Variants in OR52L1 observed in about 807,000 individuals in gnomAD.
The protein encoded by OR52L1 is olfactory receptor family 52 subfamily L member 1, also known as olfactory receptor 52L1.
A neutral mutation model predicts 16.1 loss-of-function variants in OR52L1; 15 were observed. The ratio of observed to expected loss-of-function variants is 0.93; its 90% CI spans 0.62 to 1.44. The LOEUF (loss-of-function observed/expected upper bound fraction) is 1.44, where lower values mean the gene tolerates loss of function less well. Among genes scored for constraint, OR52L1 ranks in the 40% most tolerant of loss-of-function variants. OR52L1 has a pLI of 0.00. For missense variants in OR52L1, 406 were observed against 402.3 expected, an observed-to-expected ratio of 1.01 and a Z score of -0.08; for synonymous variants, 166 against 159.2, an observed-to-expected ratio of 1.04 and a Z score of -0.32.
rs4237768 is a variant in OR52L1, at chr11:5,986,042, G to A, written c.889C>T (p.Arg297Trp). Reference sequence around the variant, plus strand: ...AGCGCAGGTGGCATGAGGAGATACCGTGTGGCCAGAAGAACATGGACATGA... The same window carrying A: ...AGCGCAGGTGGCATGAGGAGATACCATGTGGCCAGAAGAACATGGACATGA... The part of the protein sequence containing the change: ...PHHVHVLLAT[R>W]YLLMPPALNP... The change falls in exon 1 of 1, where the codon CGG becomes TGG. Residue 297 changes from arginine (R) to tryptophan (W), a missense_variant. Arg to Trp is a moderately radical substitution (Grantham distance 101). Coordinates refer to ENST00000332249, the MANE Select transcript of OR52L1 (RefSeq NM_001005173.3). 0.18 allele frequency: 283,624 copies of A among 1,613,426 alleles called. 25,725 individuals carry two copies. The highest frequency in any genetic ancestry group is 0.22 in the African/African-American group (16,587 of 74,984).
In OR52L1 at chr11:5,986,417, G is replaced by A. The variant is rs1346122333; in HGVS notation, c.514C>T (p.Leu172=). 1 of 1,613,808 alleles carries A rather than the reference G, an allele frequency of 6.2e-7. No individual in the cohort carries two copies. The highest frequency in any genetic ancestry group is 8.5e-7 in the Non-Finnish European group (1 of 1,179,676). The change falls in exon 1 of 1, where the codon CTA becomes TTA. Residue 172 remains leucine (L), a synonymous_variant. Transcript: ENST00000332249. The stretch of plus-strand genomic sequence containing the variant: ...AAAATGGGGAAGGGGATAAGGAGTA[G>A]TAATCCCCTCACCAGCACCACCATT... ...IGMVVLVRGL[L]LLIPFPILLG...
chr11:5,986,741 G>A lies in OR52L1; in HGVS notation c.190C>T (p.Leu64Phe), dbSNP rs1037254913. The A allele has an allele frequency of 9.9e-6, 16 of 1,613,860 alleles. No individual in the cohort carries two copies. The highest frequency in any genetic ancestry group is 1.2e-5 in the Non-Finnish European group (14 of 1,179,886). Residue 64 changes from leucine to phenylalanine, a missense_variant, in exon 1 of 1, where the codon CTC (leucine) becomes TTC (phenylalanine). By Grantham distance (22) the Leu-to-Phe change is conservative (BLOSUM62 0). Coordinates refer to ENST00000332249, the MANE Select transcript of OR52L1 (RefSeq NM_001005173.3). ...GATGGGTCCATCCAGATGATGAAGA[G>A]AATGGTAACATTGCCCACTAAAGCA... ...LLALVGNVTI[L>F]FIIWMDPSLH...
Position 5,986,705 on chromosome 11 carries a change from A to G in OR52L1, c.226T>C (p.Ser76Pro), listed in dbSNP as rs369094785. ...IIWMDPSLHQ[S>P]MYLFLSMLAA... ...AGCATGGACAGGAAGAGGTACATAG[A>G]TTGGTGCAAGGATGGGTCCATCCAG... Residue 76 changes from serine to proline, a missense_variant, in exon 1 of 1, where the codon TCT becomes CCT. Transcript: ENST00000332249. 49 of 1,613,838 alleles carry G rather than the reference A, an allele frequency of 3.0e-5. No homozygotes were observed. The highest frequency in any genetic ancestry group is 1.5e-4 in the Admixed American group (9 of 59,992).
Position 5,986,830 on chromosome 11 carries a change from C to T in OR52L1, c.101G>A (p.Gly34Glu), listed in dbSNP as rs776443492. The T allele has an allele frequency of 5.0e-6, 8 of 1,613,804 alleles. No homozygotes were observed. Among genetic ancestry groups the T allele is most frequent in the South Asian group, 4.4e-5 (4 of 91,084 alleles). ...RLSQPSFLLVGIPGLEESQHW... is the reference protein window; with the variant it reads ...RLSQPSFLLVEIPGLEESQHW... ...CTGGCTTTCCTCTAAACCTGGAATC[C>T]CTACCAGGAGAAAAGAAGGCTGGGA... The change falls in exon 1 of 1, where the codon GGG becomes GAG. Residue 34 changes from glycine (G) to glutamate (E), a missense_variant. Gly to Glu is a moderately conservative substitution (Grantham distance 98). Transcript: ENST00000332249.
Position 5,986,437 on chromosome 11 carries a change from A to G in OR52L1, c.494T>C (p.Val165Ala). 1 of 1,613,890 alleles carries G rather than the reference A, an allele frequency of 6.2e-7. No homozygotes were observed. The highest frequency in any genetic ancestry group is 1.1e-5 in the South Asian group (1 of 91,074). ...GAGTAGTAATCCCCTCACCAGCACC[A>G]CCATTCCGATGCGCCCTATGACCCC... Reference protein sequence around the residue: ...HPGVIGRIGMVVLVRGLLLLI... With the variant: ...HPGVIGRIGMAVLVRGLLLLI... The change falls in exon 1 of 1, where the codon GTG becomes GCG. Residue 165 changes from valine (V) to alanine (A), a missense_variant. Coordinates refer to ENST00000332249, the MANE Select transcript of OR52L1 (RefSeq NM_001005173.3).
rs1360015108 is a variant in OR52L1, at chr11:5,986,681, G to A, written c.250C>T (p.Leu84=). Residue 84 remains leucine, a synonymous_variant, in exon 1 of 1, where the codon CTA becomes TTA. Transcript: ENST00000332249. The part of the protein sequence containing the change: ...HQSMYLFLSM[L]AAIDLVLASS... ...GCCAGAACCAGGTCGATGGCAGCTA[G>A]CATGGACAGGAAGAGGTACATAGAT... The A allele has an allele frequency of 2.5e-6, 4 of 1,613,972 alleles. No homozygotes were observed. The highest frequency in any genetic ancestry group is 3.4e-6 in the Non-Finnish European group (4 of 1,179,874).
rs72484715 is a variant in OR52L1, at chr11:5,986,644, G to A, written c.287C>T (p.Ala96Val). The stretch of plus-strand genomic sequence containing the variant: ...CAGGAGCACTGCAAGGGCTTTGGGT[G>A]CAGTGGAGGAGGCCAGAACCAGGTC... ...AIDLVLASST[A>V]PKALAVLLVH... Residue 96 changes from alanine (A) to valine (V), a missense_variant, in exon 1 of 1, where the codon GCA becomes GTA. Transcript: ENST00000332249. The A allele has an allele frequency of 2.4e-5, 38 of 1,613,916 alleles. No individual in the cohort carries two copies. The East Asian group carries it at 7.1e-4, about 30-fold the overall frequency.
In OR52L1 at chr11:5,985,979, G is replaced by A. The variant is rs763535932; in HGVS notation, c.952C>T (p.Arg318Cys). ...LVYGVKTQQI[R>C]QRVLRVFTQK... Reference sequence around the variant, plus strand: ...GTAAACACTCTGAGCACTCGCTGGCGGATCTGCTGAGTCTTCACTCCATAG... The same window carrying A: ...GTAAACACTCTGAGCACTCGCTGGCAGATCTGCTGAGTCTTCACTCCATAG... The change falls in exon 1 of 1, where the codon CGC becomes TGC. Residue 318 changes from arginine to cysteine, a missense_variant. Coordinates refer to ENST00000332249, the MANE Select transcript of OR52L1 (RefSeq NM_001005173.3). 43 of 1,611,536 alleles carry A rather than the reference G, an allele frequency of 2.7e-5. No individual in the cohort carries two copies. Among genetic ancestry groups the A allele is most frequent in the Admixed American group, 3.4e-5 (2 of 59,552 alleles).
chr11:5,986,277 C>T lies in OR52L1; in HGVS notation c.654G>A (p.Leu218=), dbSNP rs1590462765. Residue 218 remains leucine, a synonymous_variant, in exon 1 of 1, where the codon CTG becomes CTA. Transcript: ENST00000332249. ...SETTVNRAYG[L]TMALLVIGLD... ...GCCCAATCACAAGCAAGGCCATAGTCAGCCCATAAGCTCGATTGACTGTGG... is the reference window on the plus strand; with the variant it reads ...GCCCAATCACAAGCAAGGCCATAGTTAGCCCATAAGCTCGATTGACTGTGG... 1 of 1,613,878 alleles carries T rather than the reference C, an allele frequency of 6.2e-7. No homozygotes were observed. Among genetic ancestry groups the T allele is most frequent in the South Asian group, 1.1e-5 (1 of 91,084 alleles).
In OR52L1 at chr11:5,986,140, C is replaced by G; in HGVS notation, c.791G>C (p.Cys264Ser). Residue 264 changes from cysteine (C) to serine (S), a missense_variant, in exon 1 of 1, where the codon TGT becomes TCT. Physicochemically the swap from Cys to Ser is moderately radical, Grantham distance 112 (BLOSUM62 -1). Transcript: ENST00000332249. ...KAFSTCGSHI[C>S]VILVFYVPGI... The stretch of plus-strand genomic sequence containing the variant: ...AGGGACATAGAAGACCAGGATGACA[C>G]AAATATGAGAGCCACATGTGCTAAA... 1.9e-6 allele frequency: 3 copies of G among 1,613,912 alleles called. No homozygotes were observed. Among genetic ancestry groups the G allele is most frequent in the Non-Finnish European group, 2.5e-6 (3 of 1,179,876 alleles).
chr11:5,986,629 G>A lies in OR52L1; in HGVS notation c.302C>T (p.Ala101Val), dbSNP rs368392556. ...CTCGTGGGCATGAACCAGGAGCACT[G>A]CAAGGGCTTTGGGTGCAGTGGAGGA... is the stretch of plus-strand genomic sequence containing the variant. The part of the protein sequence containing the change: ...LASSTAPKAL[A>V]VLLVHAHEIG... Residue 101 changes from alanine to valine, a missense_variant, in exon 1 of 1, where the codon GCA becomes GTA. By Grantham distance (64) the Ala-to-Val change is moderately conservative. Transcript: ENST00000332249. The A allele has an allele frequency of 2.0e-5, 32 of 1,613,944 alleles. No homozygotes were observed. The South Asian group carries it at 2.4e-4, about 12-fold the overall frequency.
In OR52L1 at chr11:5,986,799, C is replaced by G; in HGVS notation, c.132G>C (p.Trp44Cys). Residue 44 changes from tryptophan (W) to cysteine (C), a missense_variant, in exon 1 of 1, where the codon TGG becomes TGC. Coordinates refer to ENST00000332249, the MANE Select transcript of OR52L1 (RefSeq NM_001005173.3). ...AAAGGATGCCCAGGGGCAGTGCAATCCAGTGCTGGCTTTCCTCTAAACCTG... is the reference window on the plus strand; with the variant it reads ...AAAGGATGCCCAGGGGCAGTGCAATGCAGTGCTGGCTTTCCTCTAAACCTG... ...GIPGLEESQH[W>C]IALPLGILYL... is the part of the protein sequence containing the mutation. 6.2e-7 allele frequency: 1 copy of G among 1,614,000 alleles called. No homozygotes were observed. Among genetic ancestry groups the G allele is most frequent in the African/African-American group, 1.3e-5 (1 of 75,056 alleles).
In OR52L1 at chr11:5,986,809, C is replaced by T. The variant is rs1326648867; in HGVS notation, c.122G>A (p.Ser41Asn). The change falls in exon 1 of 1, where the codon AGC (serine) becomes AAC (asparagine). Residue 41 changes from serine to asparagine, a missense_variant. Coordinates refer to ENST00000332249, the MANE Select transcript of OR52L1 (RefSeq NM_001005173.3). ...LLVGIPGLEE[S>N]QHWIALPLGI... ...CAGGGGCAGTGCAATCCAGTGCTGGCTTTCCTCTAAACCTGGAATCCCTAC... is the reference window on the plus strand; with the variant it reads ...CAGGGGCAGTGCAATCCAGTGCTGGTTTTCCTCTAAACCTGGAATCCCTAC... 1 of 1,614,050 alleles carries T rather than the reference C, an allele frequency of 6.2e-7. No homozygotes were observed. The highest frequency in any genetic ancestry group is 2.2e-5 in the East Asian group (1 of 44,884).
At position 5,986,370 on chromosome 11, in the gene OR52L1, G is replaced by C. The variant is rs367864863; in HGVS notation, c.561C>G (p.Cys187Trp). 4 of 1,613,942 alleles carry C rather than the reference G, an allele frequency of 2.5e-6. No homozygotes were observed. ...FPILLGTLIF[C>W]QATIIGHAYC... ...AGGCATGGCCTATGATGGTGGCTTG[G>C]CAGAAGATAAGTGTTCCCAACAAAA... The change falls in exon 1 of 1, where the codon TGC becomes TGG. Residue 187 changes from cysteine (C) to tryptophan (W), a missense_variant. Coordinates refer to ENST00000332249, the MANE Select transcript of OR52L1 (RefSeq NM_001005173.3).
rs1434250990 is a variant in OR52L1, at chr11:5,986,233, C to T, written c.698G>A (p.Gly233Asp). The T allele has an allele frequency of 1.9e-6, 3 of 1,613,658 alleles. No homozygotes were observed. The highest frequency in any genetic ancestry group is 1.7e-6 in the Non-Finnish European group (2 of 1,179,894). The change falls in exon 1 of 1, where the codon GGT becomes GAT. Residue 233 changes from glycine (G) to aspartate (D), a missense_variant. Gly to Asp is a moderately conservative substitution (Grantham distance 94). Coordinates refer to ENST00000332249, the MANE Select transcript of OR52L1 (RefSeq NM_001005173.3). ...CTGGAGGATGTGGGCATAGGAAACA[C>T]CAATGGCCAGAACATCCAGCCCAAT... ...LVIGLDVLAI[G>D]VSYAHILQAV...
Position 5,985,931 on chromosome 11 carries a change from T to C in OR52L1, c.*10A>G. 3 of 1,592,164 alleles carry C rather than the reference T, an allele frequency of 1.9e-6. No homozygotes were observed. Among genetic ancestry groups the C allele is most frequent in the Non-Finnish European group, 2.6e-6 (3 of 1,168,758 alleles). ...AAGCCTCCGAAGGAAACAATGAGAA[T>C]ATGTTCAGATCAATCCTTTTGTGTA... On this transcript the variant is annotated 3_prime_UTR_variant, in exon 1 of 1. Transcript: ENST00000332249.
chr11:5,986,697 G>A lies in OR52L1; in HGVS notation c.234C>T (p.Tyr78=), dbSNP rs868822445. 1.2e-6 allele frequency: 2 copies of A among 1,613,946 alleles called. No individual in the cohort carries two copies. Among genetic ancestry groups the A allele is most frequent in the South Asian group, 2.2e-5 (2 of 91,066 alleles). Residue 78 remains tyrosine (Y), a synonymous_variant, in exon 1 of 1, where the codon TAC becomes TAT. Coordinates refer to ENST00000332249, the MANE Select transcript of OR52L1 (RefSeq NM_001005173.3). The part of the protein sequence containing the change: ...WMDPSLHQSM[Y]LFLSMLAAID... Reference sequence around the variant, plus strand: ...TGGCAGCTAGCATGGACAGGAAGAGGTACATAGATTGGTGCAAGGATGGGT... The same window carrying A: ...TGGCAGCTAGCATGGACAGGAAGAGATACATAGATTGGTGCAAGGATGGGT...
In OR52L1 at chr11:5,986,587, C is replaced by G. The variant is rs372998184; in HGVS notation, c.344G>C (p.Cys115Ser). The G allele has an allele frequency of 6.2e-7, 1 of 1,613,960 alleles. No homozygotes were observed. Among genetic ancestry groups the G allele is most frequent in the Non-Finnish European group, 8.5e-7 (1 of 1,179,908 alleles). Residue 115 changes from cysteine to serine, a missense_variant, in exon 1 of 1, where the codon TGC (cysteine) becomes TCC (serine). Cys to Ser is a moderately radical substitution (Grantham distance 112, BLOSUM62 -1). Transcript: ENST00000332249. The stretch of plus-strand genomic sequence containing the variant: ...ATGGATGAAGAACATCTGGATCAGG[C>G]AGACGATGTACCCAATCTCGTGGGC... Reference protein sequence around the residue: ...VHAHEIGYIVCLIQMFFIHAF... With the variant: ...VHAHEIGYIVSLIQMFFIHAF...
At position 5,986,649 on chromosome 11, in the gene OR52L1, G is replaced by A. The variant is rs376983140; in HGVS notation, c.282C>T (p.Ser94=). 1.1e-5 allele frequency: 17 copies of A among 1,613,962 alleles called. No homozygotes were observed. The African/African-American group carries it at 2.3e-4, about 22-fold the overall frequency. ...GCACTGCAAGGGCTTTGGGTGCAGT[G>A]GAGGAGGCCAGAACCAGGTCGATGG... The part of the protein sequence containing the change: ...LAAIDLVLAS[S]TAPKALAVLL... Residue 94 remains serine (S), a synonymous_variant, in exon 1 of 1, where the codon TCC becomes TCT. Transcript: ENST00000332249.
Sources: gnomAD v4.1 joint callset for allele counts on GRCh38, gnomAD v4.1.1 for gene constraint, MANE v1.5 for transcripts, NCBI Gene and HGNC (gene_info 2026-07-23, HGNC 2026-07-21) for gene names.